Variants in FOXP1 observed in about 807,000 individuals in gnomAD.
FOXP1 encodes forkhead box protein P1.
A neutral mutation model predicts 98.2 loss-of-function variants in FOXP1; 15 were observed. The ratio of observed to expected loss-of-function variants is 0.15; its 90% CI spans 0.10 to 0.24. The LOEUF is 0.24. Among genes scored for constraint, FOXP1 ranks in the 10% least tolerant of loss-of-function variants. The pLI is 1.00. For missense variants in FOXP1, 633 were observed against 848.5 expected (o/e 0.75, Z 3.15); for synonymous variants, 371 against 314.5 (o/e 1.18, Z -1.90).
chr3:71,241,066 C>T (rs966845920), intron 5 of FOXP1, among the ~76,000 whole-genome samples: 13 of 151,000 alleles, frequency 8.6e-5, no homozygotes, highest in South Asian at 2.1e-4. Flanking sequence ...AAAAATTAGC[C>T]GGGCATGGTG....
At chr3:71,348,893 C>T (rs1229506820) in intron 4 of FOXP1, among the ~76,000 whole-genome samples, 1 of 152,102 alleles carries the variant, frequency 6.6e-6, no homozygotes, top group South Asian at 2.1e-4. Context: ...CCCCAACTTC[C>T]CTTAAGTGAT....
chr3:71,287,502 A>C (rs2072278302), intron 5 of FOXP1, among the ~76,000 whole-genome samples: 1 of 151,558 alleles, frequency 6.6e-6, no homozygotes, highest in South Asian at 2.1e-4. Flanking sequence ...TAATAGGGCC[A>C]AGCGCTGTGG....
chr3:70,964,015 G>A (rs577297865), intron 20 of FOXP1, among the ~76,000 whole-genome samples: 9 of 152,276 alleles, frequency 5.9e-5, no homozygotes, highest in Non-Finnish European at 8.8e-5. Flanking sequence ...GCAGGGTAAT[G>A]CATATTGGAC....
intron 13 of FOXP1, among the ~76,000 whole-genome samples, chr3:70,998,102 A>G (rs2041629877): frequency 6.6e-6 from 1 of 152,228 alleles, no homozygotes; most frequent in African/African-American, 2.4e-5. Flanking sequence ...ACAAGTTGCT[A>G]ATACTATAAT....
intron 6 of FOXP1, among the ~76,000 whole-genome samples, chr3:71,158,523 C>T (rs1325067793): frequency 6.6e-6 from 1 of 152,086 alleles, no homozygotes; most frequent in Non-Finnish European, 1.5e-5. Context: ...AATGAGAGCT[C>T]AGTAATCAAA....
chr3:71,256,320 G>A (rs916500437), intron 5 of FOXP1, among the ~76,000 whole-genome samples: 2 of 152,196 alleles, frequency 1.3e-5, no homozygotes, highest in African/African-American at 4.8e-5. Context: ...AGGGACAGCA[G>A]GGGTTTGTTG....
intron 3 of FOXP1, among the ~76,000 whole-genome samples, chr3:71,415,234 C>T (rs905106029): frequency 1.3e-5 from 2 of 152,172 alleles, no homozygotes; most frequent in African/African-American, 4.8e-5. Flanking sequence ...TAAAACCATC[C>T]TCCATAGATT....
At chr3:71,244,820 T>TG (rs1038127713) in intron 5 of FOXP1, 3 of 151,968 alleles carry the variant, frequency 2.0e-5, no homozygotes, top group Non-Finnish European at 4.4e-5. Flanking sequence ...TTAGTTTGAG[T>TG]GACAAAGGTC....
At chr3:71,063,732 G>A (rs578202674) in intron 7 of FOXP1, among the ~76,000 whole-genome samples, 26 of 152,234 alleles carry the variant, frequency 1.7e-4, no homozygotes, top group Non-Finnish European at 3.5e-4. Context: ...TGGAATCTAT[G>A]GAAATGAGGT....
chr3:71,295,040 T>C (rs573722039), intron 5 of FOXP1, among the ~76,000 whole-genome samples: 52 of 152,302 alleles, frequency 3.4e-4, no homozygotes, highest in Non-Finnish European at 6.8e-4. Flanking sequence ...TGGGGTCTCT[T>C]TGTTACACCA....
chr3:71,429,383 G>C (rs1217825544), intron 3 of FOXP1, among the ~76,000 whole-genome samples: 1 of 149,758 alleles, frequency 6.7e-6, no homozygotes, highest in East Asian at 2.0e-4. Flanking sequence ...TTTTTTTCTT[G>C]GTTTGCTCTG....
In FOXP1 at chr3:71,254,409, C is replaced by T. The variant is rs1285881529; in HGVS notation, c.-12+45411G>A. ...ACCTCACTCATGGAGGTATTGTGGA[C>T]CGGCATTTGCTAAAAAGTTTTTCCT... On this transcript the variant is annotated intron_variant, in intron 5 of 20. Coordinates refer to ENST00000649528, the MANE Select transcript of FOXP1 (RefSeq NM_001349338.3). Among the ~76,000 whole-genome samples the T allele has an allele frequency of 2.0e-5, 3 of 152,284 alleles. No individual in the cohort carries two copies. In the East Asian group the frequency reaches 5.8e-4, roughly 29 times the overall value.
intron 5 of FOXP1, among the ~76,000 whole-genome samples, chr3:71,259,198 G>C (rs1405993199): frequency 1.3e-5 from 2 of 152,202 alleles, no homozygotes; most frequent in African/African-American, 4.8e-5. Context: ...CCATGGGCAT[G>C]AGTGGGCACG....
In FOXP1 at chr3:70,958,051, AGGCC is replaced by A. The variant is rs1042710360; in HGVS notation, c.*1192_*1195del. The stretch of plus-strand genomic sequence containing the variant: ...CACACCCGTTATCGCAGAGCACCCA[AGGCC>A]CATGGCAACTTGGTTCCACAAGGGA... On this transcript the variant is annotated 3_prime_UTR_variant, in exon 21 of 21. Transcript: ENST00000649528. The A allele has an allele frequency of 3.5e-6, 1 of 288,314 alleles. No individual in the cohort carries two copies. Among genetic ancestry groups the A allele is most frequent in the African/African-American group, 2.2e-5 (1 of 46,206 alleles). 17.9% of individuals were successfully genotyped at this position (288,314 alleles called of 1,614,324 possible).
intron 4 of FOXP1, among the ~76,000 whole-genome samples, chr3:71,312,573 C>T (rs1386372985): frequency 6.6e-6 from 1 of 152,182 alleles, no homozygotes; most frequent in Non-Finnish European, 1.5e-5. Flanking sequence ...CCTGCAATGC[C>T]AGCTATTAAG....
At chr3:71,548,131 C>G (rs1416061873) in intron 2 of FOXP1, among the ~76,000 whole-genome samples, 1 of 152,180 alleles carries the variant, frequency 6.6e-6, no homozygotes, top group Non-Finnish European at 1.5e-5. Flanking sequence ...GGACAACACC[C>G]CCAAGTTTAA....
chr3:70,970,387 T>A (rs2035951731), intron 19 of FOXP1: 1 of 316,444 alleles, frequency 3.2e-6, no homozygotes, highest in East Asian at 7.6e-5. Context: ...TGTGACGCAG[T>A]GGCCTATCAT....
intron 5 of FOXP1, among the ~76,000 whole-genome samples, chr3:71,248,653 A>G (rs1281310524): frequency 6.6e-6 from 1 of 151,992 alleles, no homozygotes; most frequent in Non-Finnish European, 1.5e-5. Context: ...AGGCAGGAGA[A>G]TCGCTTGAAC....
intron 6 of FOXP1, among the ~76,000 whole-genome samples, chr3:71,142,384 G>T (rs768310563): frequency 2.0e-5 from 3 of 152,184 alleles, no homozygotes; most frequent in Non-Finnish European, 4.4e-5. Context: ...TGTAATTAAG[G>T]TCCCAAATCA....
Sources: allele counts gnomAD v4.1 joint callset (sites outside exome capture counted in the v4.1 genomes callset), GRCh38; gene constraint gnomAD v4.1.1; transcripts MANE v1.5; gene names NCBI Gene and HGNC (gene_info 2026-07-23, HGNC 2026-07-21).